The following LTBP3 variants were observed in gnomAD, a reference collection of about 807,000 sequenced individuals.
LTBP3 encodes the protein latent transforming growth factor beta binding protein 3.
In LTBP3, 97 loss-of-function variants were observed where a neutral mutation model predicts 159.7. The observed-to-expected ratio is 0.61, with a 90% CI of 0.52 to 0.72. The LOEUF is 0.72. Ranked by LOEUF, LTBP3 falls within the 30% of genes least tolerant of loss-of-function variation. LTBP3 has a pLI of 0.00. For synonymous variants in LTBP3, 824 were observed against 777.1 expected, an observed-to-expected ratio of 1.06 and a Z score of -1.00; for missense variants, 1,584 against 1,864.3, an observed-to-expected ratio of 0.85 and a Z score of 2.77.
rs964875283 is a variant in LTBP3, at chr11:65,541,694, G to C, written c.2631C>G (p.Cys877Trp). ...GGTTCTTGCAGGCCCCATGGGGAAG[G>C]CACAGGCTCGGGTCCTGGCTGCACT... ...IDECSQDPSL[C>W]LPHGACKNLQ... is the part of the protein sequence containing the mutation. Residue 877 changes from cysteine (C) to tryptophan (W), a missense_variant, in exon 19 of 28, where the codon TGC becomes TGG. By Grantham distance (215) the Cys-to-Trp change is radical. This residue lies in a region of LTBP3 where 565 missense variants were observed against 677.7 expected (regional missense o/e 0.83). Coordinates refer to ENST00000301873, the MANE Select transcript of LTBP3 (RefSeq NM_001130144.3). The C allele has an allele frequency of 6.2e-7, 1 of 1,614,024 alleles. No homozygotes were observed. The highest frequency in any genetic ancestry group is 8.5e-7 in the Non-Finnish European group (1 of 1,179,998).
chr11:65,539,645 T>C lies in LTBP3; in HGVS notation c.3548-17A>G. ...AATGGGACCCTGGGAGGAGCAGAAC[T>C]GGTCAGCGACGTCCGGGTCCCCGGG... On this transcript the variant is annotated splice_polypyrimidine_tract_variant and intron_variant, in intron 25 of 27. Coordinates refer to ENST00000301873, the MANE Select transcript of LTBP3 (RefSeq NM_001130144.3). The C allele has an allele frequency of 1.9e-6, 3 of 1,603,778 alleles. No homozygotes were observed. Among genetic ancestry groups the C allele is most frequent in the Non-Finnish European group, 2.5e-6 (3 of 1,176,984 alleles).
intron 16 of LTBP3, 75 bp from the exon 17 acceptor site, chr11:65,543,624 G>A (rs1163176948): frequency 1.1e-5 from 17 of 1,585,620 alleles, no homozygotes; most frequent in Admixed American, 3.3e-5. Context: ...TCACTTCTGC[G>A]CATGGCCTGG....
chr11:65,540,789 A>ACCCAGCGAGT (rs1412599691), intron 21 of LTBP3, 82 bp downstream of exon 21: 13 of 1,517,698 alleles, frequency 8.6e-6, no homozygotes, highest in Non-Finnish European at 1.1e-5. Context: ...CGGGCAGCTG[A>ACCCAGCGAGT]CCCAGCGAGT....
intron 18 of LTBP3, 119 bp from the exon 19 acceptor site, chr11:65,541,847 C>G (rs1342092332): frequency 8.5e-7 from 1 of 1,180,580 alleles, no homozygotes; most frequent in African/African-American, 1.5e-5. Flanking sequence ...GTATGTACAG[C>G]AGGAAGTCTG....
Position 65,554,340 on chromosome 11 carries a change from G to A in LTBP3, c.372C>T (p.Ser124=). 6.2e-7 allele frequency: 1 copy of A among 1,612,430 alleles called. No homozygotes were observed. Among genetic ancestry groups the A allele is most frequent in the Non-Finnish European group, 8.5e-7 (1 of 1,179,818 alleles). ...PLPCMNGGQC[S]SRNQCLCPPD... is the part of the protein sequence containing the mutation. The stretch of plus-strand genomic sequence containing the variant: ...GGGGACACAGGCACTGGTTTCGCGA[G>A]GAGCACTGGCCGCCATTCATGCAGG... The change falls in exon 2 of 28, where the codon TCC becomes TCT. Residue 124 remains serine (S), a synonymous_variant. Coordinates refer to ENST00000301873, the MANE Select transcript of LTBP3 (RefSeq NM_001130144.3). This position sits in a 1 kb window ranked among gnomAD's most constrained non-coding sequence, Gnocchi z 5.3.
rs1371650053 is a variant in LTBP3, at chr11:65,552,621, C to T, written c.1187-215G>A. Among the ~76,000 whole-genome samples the T allele has an allele frequency of 6.6e-6, 1 of 152,200 alleles. No homozygotes were observed. The highest frequency in any genetic ancestry group is 2.1e-4 in the South Asian group (1 of 4,826). ...ATTCTAGCTATCCTGGACTTCACCA[C>T]TCCTACTCATCAAGCCTATGTTCTG... On this transcript the variant is annotated intron_variant, in intron 6 of 27. Transcript: ENST00000301873. This position sits in a 1 kb window ranked among gnomAD's most constrained non-coding sequence, Gnocchi z 6.0.
In LTBP3 at chr11:65,557,651, G is replaced by A; in HGVS notation, c.309C>T (p.Leu103=). ...IGENGHSTDT[L]TGSGFRVVVC... Reference sequence around the variant, plus strand: ...CACCCACGCGGAAGCCGGAGCCCGTGAGCGTGTCTGTGCTGTGGCCGTTCT... The same window carrying A: ...CACCCACGCGGAAGCCGGAGCCCGTAAGCGTGTCTGTGCTGTGGCCGTTCT... The change falls in exon 1 of 28, where the codon CTC becomes CTT. Residue 103 remains leucine, a synonymous_variant. Coordinates refer to ENST00000301873, the MANE Select transcript of LTBP3 (RefSeq NM_001130144.3). 1 of 1,610,824 alleles carries A rather than the reference G, an allele frequency of 6.2e-7. No individual in the cohort carries two copies. The highest frequency in any genetic ancestry group is 8.5e-7 in the Non-Finnish European group (1 of 1,179,888).
Position 65,540,703 on chromosome 11 carries a change from C to CGGGCGGGGCCTACAGGAG in LTBP3, c.2978-107_2978-90dup, listed in dbSNP as rs147365999. On this transcript the variant is annotated intron_variant, in intron 21 of 27. Coordinates refer to ENST00000301873, the MANE Select transcript of LTBP3 (RefSeq NM_001130144.3). ...CGCACCACCGGAGCGAAGCCATCCC[C>CGGGCGGGGCCTACAGGAG]GGGCGGGGCCTACAGGAGGGGCGGG... The CGGGCGGGGCCTACAGGAG allele has an allele frequency of 0.18, 226,183 of 1,240,476 alleles. 36,993 individuals carry two copies. Among genetic ancestry groups the CGGGCGGGGCCTACAGGAG allele is most frequent in the African/African-American group, 0.53 (31,968 of 60,242 alleles). The allele number at this position is 1,240,476 out of a possible 1,614,324, so 76.8% of individuals were successfully genotyped here.
rs1855860310 is a variant in LTBP3 at position 65,538,613 on chromosome 11, T to TGTATTTATTGTACAAACCATGTGAGCCC, written c.*439_*466dup. 6.3e-7 allele frequency: 1 copy of TGTATTTATTGTACAAACCATGTGAGCCC among 1,584,828 alleles called. No individual in the cohort carries two copies. The highest frequency in any genetic ancestry group is 8.6e-7 in the Non-Finnish European group (1 of 1,166,134). On this transcript the variant is annotated 3_prime_UTR_variant, in exon 28 of 28. Transcript: ENST00000301873. ...GGCTGCGGAGAGCCCGCCCCACAGATGTATTTATTGTACAAACCATGTGAG... is the reference window on the plus strand; with the variant it reads ...GGCTGCGGAGAGCCCGCCCCACAGATGTATTTATTGTACAAACCATGTGAGCCCGTATTTATTGTACAAACCATGTGAG...
In LTBP3 at chr11:65,540,231, G is replaced by A. The variant is rs1186115298; in HGVS notation, c.3244+14C>T. The A allele has an allele frequency of 7.1e-6, 11 of 1,548,256 alleles. No individual in the cohort carries two copies. Among genetic ancestry groups the A allele is most frequent in the Admixed American group, 5.9e-5 (3 of 50,956 alleles). On this transcript the variant is annotated intron_variant, in intron 23 of 27. Transcript: ENST00000301873. ...GCCCCTCCCGCGTACCCCACTCCCC[G>A]GCCCGGGCCTCACCCATCTCTTCCG...
At chr11:65,555,577 C>T (rs111892431) in intron 1 of LTBP3, among the ~76,000 whole-genome samples, 51 of 152,310 alleles carry the variant, frequency 3.3e-4, no homozygotes, top group African/African-American at 1.1e-3. Context: ...TGTCTGTCTG[C>T]CTCCTTATAG....
rs201425339 is a variant in LTBP3, at chr11:65,551,926, C to T, written c.1531+46G>A. On this transcript the variant is annotated intron_variant, in intron 8 of 27. Coordinates refer to ENST00000301873, the MANE Select transcript of LTBP3 (RefSeq NM_001130144.3). ...TGGATCACGGGTCAAGGGGTCAGGCCTAGGGGCTTGGCATGGGTCAGGGAT... is the reference window on the plus strand; with the variant it reads ...TGGATCACGGGTCAAGGGGTCAGGCTTAGGGGCTTGGCATGGGTCAGGGAT... The T allele has an allele frequency of 6.2e-6, 10 of 1,600,368 alleles. No individual in the cohort carries two copies. In the Admixed American group the frequency reaches 1.0e-4, roughly 16 times the overall value.
In LTBP3 at chr11:65,557,834, CT is replaced by C. The variant is rs1565104280; in HGVS notation, c.125del (p.Glu42GlyfsTer28). 7.0e-7 allele frequency: 1 copy of C among 1,422,302 alleles called. No individual in the cohort carries two copies. 88.1% of individuals were successfully genotyped at this position (1,422,302 alleles called of 1,614,324 possible). A position where few individuals can be genotyped will look rare whatever the true frequency, so the allele number is the denominator to read the frequency against. ...CGCCCCGCTCGCCGGCCGGCCCCCC[CT>C]CGACCCTGCCGCCCAGGCCCAGCAG... ...LLLLGLGGRV[E>X]GGPAGERGAG... On this transcript the variant is annotated frameshift_variant, in exon 1 of 28. Transcript: ENST00000301873. LOFTEE classifies it high-confidence loss of function.
rs1002150082 is a variant in LTBP3 at position 65,540,056 on chromosome 11, G to A, written c.3342C>T (p.Pro1114=). The part of the protein sequence containing the change: ...YRCECRPPWV[P]GPSGRDCQLP... ...GCTGGCAATCGCGGCCGGAGGGCCC[G>A]GGCACCCAGGGCGGGCGACACTCGC... The change falls in exon 24 of 28, where the codon CCC becomes CCT. Residue 1114 remains proline, a synonymous_variant. Coordinates refer to ENST00000301873, the MANE Select transcript of LTBP3 (RefSeq NM_001130144.3). The A allele has an allele frequency of 1.7e-5, 26 of 1,520,746 alleles. No individual in the cohort carries two copies. Among genetic ancestry groups the A allele is most frequent in the African/African-American group, 1.5e-4 (11 of 71,352 alleles). 94.2% of individuals were successfully genotyped at this position (1,520,746 alleles called of 1,614,324 possible).
chr11:65,551,562 C>T lies in LTBP3; in HGVS notation c.1534G>A (p.Val512Met), dbSNP rs761955225. The T allele has an allele frequency of 1.2e-5, 19 of 1,614,032 alleles. No homozygotes were observed. In the East Asian group the frequency reaches 4.0e-4, roughly 34 times the overall value. The change falls in exon 9 of 28, where the codon GTG becomes ATG. Residue 512 changes from valine to methionine, a missense_variant and splice_region_variant. By Grantham distance (21) the Val-to-Met change is conservative. Around this residue, in one of 6 missense-constraint regions of LTBP3, gnomAD observed 565 missense variants for 677.7 expected, o/e 0.83. Coordinates refer to ENST00000301873, the MANE Select transcript of LTBP3 (RefSeq NM_001130144.3). ...CTCATACTCACTGAGTCCGTGGTCA[C>T]CCCTAAAAGGGAAGAAGATGGGGCC... ...PPEDTEEERG[V>M]TTDSPVSEER...
At chr11:65,550,360 C>T (rs1183616948) in intron 11 of LTBP3, among the ~76,000 whole-genome samples, 3 of 151,544 alleles carry the variant, frequency 2.0e-5, no homozygotes, top group South Asian at 2.1e-4. Flanking sequence ...TGCAGTGAGC[C>T]GAGATCGCGC....
At position 65,547,895 on chromosome 11, in the gene LTBP3, T is replaced by G. The variant is rs778214472; in HGVS notation, c.1846+25A>C. ...TGGGGTCCCCCCCCACCCACCTGCA[T>G]GCCCGCCGCCTGCCCTGCGCTCACC... On this transcript the variant is annotated intron_variant, in intron 12 of 27. Coordinates refer to ENST00000301873, the MANE Select transcript of LTBP3 (RefSeq NM_001130144.3). The surrounding 1 kb of genome is among the most constrained non-coding windows in gnomAD (Gnocchi z 4.6). 8.7e-6 allele frequency: 14 copies of G among 1,613,204 alleles called. No individual in the cohort carries two copies. The African/African-American group carries it at 1.5e-4, about 17-fold the overall frequency.
chr11:65,541,776 G>A, intron 18 of LTBP3, 48 bp from the exon 19 acceptor site: 1 of 1,610,178 alleles, frequency 6.2e-7, no homozygotes, highest in Middle Eastern at 1.7e-4. Flanking sequence ...CTCTTTCCCT[G>A]GGGCTGCACC....
At position 65,546,191 on chromosome 11, in the gene LTBP3, A is replaced by G. The variant is rs1005610024; in HGVS notation, c.2353+251T>C. On this transcript the variant is annotated intron_variant, in intron 16 of 27. Transcript: ENST00000301873. This position sits in a 1 kb window ranked among gnomAD's most constrained non-coding sequence, Gnocchi z 4.0. Reference sequence around the variant, plus strand: ...TACTATCGTCTGCCCTCATTCTTTGATATCTTTTTTCCTTCAAATTTAAGT... The same window carrying G: ...TACTATCGTCTGCCCTCATTCTTTGGTATCTTTTTTCCTTCAAATTTAAGT... 3.7e-6 allele frequency: 2 copies of G among 544,800 alleles called. No homozygotes were observed. The highest frequency in any genetic ancestry group is 3.4e-5 in the Admixed American group (1 of 29,054). The allele number at this position is 544,800 out of a possible 1,614,324, so 33.7% of individuals were successfully genotyped here. A position where few individuals can be genotyped will look rare whatever the true frequency, so the allele number is the denominator to read the frequency against.
Sources: allele counts gnomAD v4.1 joint callset (sites outside exome capture counted in the v4.1 genomes callset), GRCh38; gene constraint gnomAD v4.1.1; regional missense constraint gnomAD v4.1.1; non-coding constraint Gnocchi (gnomAD v3.1); transcripts MANE v1.5; gene names NCBI Gene and HGNC (gene_info 2026-07-23, HGNC 2026-07-21).